KLHL29: variants seen among roughly 807,000 people sequenced by gnomAD.
KLHL29 encodes the protein kelch-like protein 29.
In KLHL29, 21 loss-of-function variants were observed where a neutral mutation model predicts 80.4. The observed-to-expected ratio is 0.26, with a 90% CI of 0.19 to 0.38. The LOEUF is 0.38. Among genes scored for constraint, KLHL29 ranks in the 10% least tolerant of loss-of-function variants. KLHL29 has a pLI of 1.00. For synonymous variants in KLHL29, 511 were observed against 526.8 expected, an observed-to-expected ratio of 0.97 and a Z score of 0.41; for missense variants, 867 against 1,223.9, an observed-to-expected ratio of 0.71 and a Z score of 4.35.
chr2:23,649,350 T>G (rs1197201343), intron 5 of KLHL29, among the ~76,000 whole-genome samples: 1 of 152,214 alleles, frequency 6.6e-6, no homozygotes, highest in African/African-American at 2.4e-5. Flanking sequence ...GCCCCAGCCC[T>G]GCTCAGGAAG....
intron 1 of KLHL29, among the ~76,000 whole-genome samples, chr2:23,472,127 TG>T (rs1281440604): frequency 1.9e-4 from 1 of 5,178 alleles, no homozygotes; most frequent in Non-Finnish European, 3.3e-4. Flanking sequence ...CTGCAAGGCG[TG>T]GGGGTTGGGT....
chr2:23,702,426 T>C (rs966966369), intron 11 of KLHL29, among the ~76,000 whole-genome samples: 11 of 152,212 alleles, frequency 7.2e-5, no homozygotes, highest in African/African-American at 2.4e-4. Context: ...AAAATTGCAA[T>C]CATTTTGCAC....
At chr2:23,592,240 C>T (rs538225814) in intron 3 of KLHL29, among the ~76,000 whole-genome samples, 4 of 55,044 alleles carry the variant, frequency 7.3e-5, no homozygotes, top group Admixed American at 2.6e-4. Flanking sequence ...GTCAGAAGCC[C>T]GGCCATCAGG....
At chr2:23,516,669 A>G (rs1186584501) in intron 2 of KLHL29, among the ~76,000 whole-genome samples, 2 of 152,164 alleles carry the variant, frequency 1.3e-5, no homozygotes, top group Non-Finnish European at 2.9e-5. Context: ...TTCTTGGCAG[A>G]CTTCTTGGAA....
chr2:23,484,476 A>G (rs1466976516), intron 2 of KLHL29, among the ~76,000 whole-genome samples: 3 of 152,212 alleles, frequency 2.0e-5, no homozygotes, highest in Non-Finnish European at 4.4e-5. Context: ...GGAGGCAACA[A>G]TTAACCCGGC....
chr2:23,494,767 C>CT (rs397790559), intron 2 of KLHL29, among the ~76,000 whole-genome samples: 1 of 152,044 alleles, frequency 6.6e-6, no homozygotes, highest in African/African-American at 2.4e-5. Flanking sequence ...TTCTGGTGAC[C>CT]GTCACCTAGT....
intron 1 of KLHL29, 27 bp from the exon 2 acceptor site, chr2:23,475,533 C>T (rs1664610076): frequency 6.0e-6 from 1 of 166,642 alleles, no homozygotes; most frequent in South Asian, 2.1e-4. Flanking sequence ...CCCACCCCTA[C>T]CCCACTGTTT....
intron 3 of KLHL29, among the ~76,000 whole-genome samples, chr2:23,578,280 C>T (rs960812426): frequency 1.3e-5 from 2 of 152,210 alleles, no homozygotes; most frequent in African/African-American, 4.8e-5. Flanking sequence ...TCTTGGCCTG[C>T]ACAGCGATGG....
chr2:23,549,303 G>A (rs1667062969), intron 2 of KLHL29, among the ~76,000 whole-genome samples: 3 of 152,144 alleles, frequency 2.0e-5, no homozygotes, highest in Admixed American at 1.3e-4. Context: ...AAACAGAAAG[G>A]CAACAAAATC....
intron 11 of KLHL29, chr2:23,697,762 C>G (rs3795945): frequency 0.69 from 104,682 of 152,062 alleles, 36,994 homozygotes; most frequent in East Asian, 0.85. Flanking sequence ...GAGGATATTA[C>G]CGCAGTTGCT....
At chr2:23,425,315 C>T (rs545061429) in intron 1 of KLHL29, among the ~76,000 whole-genome samples, 6 of 152,196 alleles carry the variant, frequency 3.9e-5, no homozygotes, top group African/African-American at 1.4e-4. Context: ...TCTAGAGACA[C>T]AAAGCCCAGG....
chr2:23,667,515 C>T (rs1434074848), intron 5 of KLHL29: 2 of 152,408 alleles, frequency 1.3e-5, no homozygotes, highest in Non-Finnish European at 2.9e-5. Context: ...GGGCAGGTCA[C>T]CTCACTGCAC....
chr2:23,576,406 A>G (rs972706216), intron 3 of KLHL29, among the ~76,000 whole-genome samples: 6 of 152,134 alleles, frequency 3.9e-5, no homozygotes, highest in African/African-American at 9.7e-5. Context: ...TATTGTACCC[A>G]TAACTCATAT....
intron 2 of KLHL29, among the ~76,000 whole-genome samples, chr2:23,505,961 C>T (rs1176891061): frequency 6.6e-6 from 1 of 152,184 alleles, no homozygotes; most frequent in African/African-American, 2.4e-5. Flanking sequence ...CCAGGCAGCT[C>T]CCAGCCAGGC....
intron 11 of KLHL29, among the ~76,000 whole-genome samples, chr2:23,701,161 C>T (rs549100410): frequency 6.6e-6 from 1 of 152,344 alleles, no homozygotes; most frequent in Admixed American, 6.5e-5. Flanking sequence ...CCACCAGTCC[C>T]AAGCCAGACC....
intron 3 of KLHL29, among the ~76,000 whole-genome samples, chr2:23,601,178 A>G (rs1488077600): frequency 1.3e-5 from 2 of 152,132 alleles, no homozygotes; most frequent in Non-Finnish European, 2.9e-5. Context: ...ACGCTCCAAG[A>G]CCGCACAAAA....
intron 1 of KLHL29, among the ~76,000 whole-genome samples, chr2:23,438,232 G>A (rs1663401959): frequency 6.6e-6 from 1 of 151,814 alleles, no homozygotes; most frequent in Admixed American, 6.6e-5. Flanking sequence ...GGGTTTTCTA[G>A]ATATACAATC....
chr2:23,670,927 T>C (rs1452576886), intron 5 of KLHL29, among the ~76,000 whole-genome samples: 5 of 5,996 alleles, frequency 8.3e-4, no homozygotes, highest in Non-Finnish European at 1.6e-3. Flanking sequence ...GCTCTCTCTC[T>C]CTCTCTCTCT....
rs936158132 is a variant in KLHL29, at chr2:23,499,905, G to T, written c.-46+24238G>T. 4.1e-4 allele frequency among the ~76,000 whole-genome samples: 62 copies of T among 152,386 alleles called. 1 individual carries two copies. The highest frequency in any genetic ancestry group is 1.5e-3 in the African/African-American group (61 of 41,592). ...ACTGGCTGAGATGGGTGGGAACAGA[G>T]GAGTAGGAGGTGTTGGCTTTTTTTA... On this transcript the variant is annotated intron_variant, in intron 2 of 13. Transcript: ENST00000486442.
Sources: gnomAD v4.1 joint callset for allele counts (sites outside exome capture counted in the v4.1 genomes callset) on GRCh38, gnomAD v4.1.1 for gene constraint, MANE v1.5 for transcripts, NCBI Gene and HGNC (gene_info 2026-07-23, HGNC 2026-07-21) for gene names.